The following CHRNA3 variants were observed in gnomAD, a reference collection of about 807,000 sequenced individuals.
CHRNA3 encodes neuronal acetylcholine receptor subunit alpha-3.
A neutral mutation model predicts 41.9 loss-of-function variants in CHRNA3; 34 were observed. The ratio of observed to expected loss-of-function variants is 0.81; its 90% CI spans 0.62 to 1.08. CHRNA3 has a LOEUF of 1.08. CHRNA3 is among the 50% of genes least tolerant of loss of function. The pLI, the probability that CHRNA3 is intolerant of heterozygous loss-of-function variation, is 0.00. For synonymous variants in CHRNA3, 281 were observed against 265.2 expected (o/e 1.06, Z -0.58); for missense variants, 542 against 638.3 (o/e 0.85, Z 1.63).
At position 78,596,692 on chromosome 15, in the gene CHRNA3, C is replaced by T. The variant is rs201426786; in HGVS notation, c.1430G>A (p.Arg477His). The change falls in exon 6 of 6, where the codon CGT becomes CAT. Residue 477 changes from arginine to histidine, a missense_variant. Coordinates refer to ENST00000326828, the MANE Select transcript of CHRNA3 (RefSeq NM_000743.5). Reference sequence around the variant, plus strand: ...CAGGGTGAAAACCCACAGAAAAATACGATCAATCACCATGGCAACATACTT... The same window carrying T: ...CAGGGTGAAAACCCACAGAAAAATATGATCAATCACCATGGCAACATACTT... ...DWKYVAMVIDRIFLWVFTLVC... is the reference protein window; with the variant it reads ...DWKYVAMVIDHIFLWVFTLVC... 3.0e-5 allele frequency: 49 copies of T among 1,612,450 alleles called. No homozygotes were observed. The highest frequency in any genetic ancestry group is 9.9e-5 in the South Asian group (9 of 90,704).
intron 5 of CHRNA3, among the ~76,000 whole-genome samples, chr15:78,600,753 A>C (rs2053184531): frequency 6.6e-6 from 1 of 151,806 alleles, no homozygotes; most frequent in South Asian, 2.1e-4. Context: ...TCTGTAGTTC[A>C]AGCTACTCGG....
chr15:78,593,094 T>G (rs913460296), downstream of CHRNA3: 1 of 1,604,198 alleles, frequency 6.2e-7, no homozygotes, highest in African/African-American at 1.3e-5. Context: ...CCTAACAGGT[T>G]GTTGAAGATT....
chr15:78,613,457 A>G (rs1013728422), intron 4 of CHRNA3, among the ~76,000 whole-genome samples: 19 of 151,846 alleles, frequency 1.3e-4, no homozygotes, highest in Admixed American at 6.6e-4. Flanking sequence ...ATTCTCAGCA[A>G]ACTATCGCAA....
rs115855642 is a variant in CHRNA3, at chr15:78,619,378, G to A, written c.83-463C>T. Reference sequence around the variant, plus strand: ...AATCTTTTCCTGGGTTGTTTCTGCCGGGTGGGGGTGTGGGGCAAATGCTGT... The same window carrying A: ...AATCTTTTCCTGGGTTGTTTCTGCCAGGTGGGGGTGTGGGGCAAATGCTGT... On this transcript the variant is annotated intron_variant, in intron 1 of 5. Transcript: ENST00000326828. The A allele has an allele frequency of 3.9e-3, 643 of 163,172 alleles. 11 individuals are homozygous for A. Among genetic ancestry groups the A allele is most frequent in the African/African-American group, 0.014 (591 of 41,772 alleles). The allele number at this position is 163,172 out of a possible 1,614,324, so 10.1% of individuals were successfully genotyped here.
intron 5 of CHRNA3, among the ~76,000 whole-genome samples, chr15:78,598,835 A>ATTTT (rs34934996): frequency 8.5e-6 from 1 of 118,304 alleles, no homozygotes; most frequent in Non-Finnish European, 1.8e-5. Flanking sequence ...TGCACCCGGC[A>ATTTT]TTTTTTTTTT....
intron 4 of CHRNA3, among the ~76,000 whole-genome samples, chr15:78,604,697 T>C (rs1033036450): frequency 2.1e-4 from 32 of 152,166 alleles, no homozygotes; most frequent in African/African-American, 7.7e-4. Flanking sequence ...AGTAAATATT[T>C]GTTGACCTAA....
At position 78,609,180 on chromosome 15, in the gene CHRNA3, C is replaced by T. The variant is rs1014293589; in HGVS notation, c.378-6916G>A. On this transcript the variant is annotated intron_variant, in intron 4 of 5. Coordinates refer to ENST00000326828, the MANE Select transcript of CHRNA3 (RefSeq NM_000743.5). ...CAGGATATTATCCAGGAGAACTTCC[C>T]CAATCTAGCAAGGCAGGCCAACATT... 2.9e-4 allele frequency among the ~76,000 whole-genome samples: 44 copies of T among 152,150 alleles called. 1 individual carries two copies. Among genetic ancestry groups the T allele is most frequent in the African/African-American group, 1.0e-3 (43 of 41,490 alleles).
At chr15:78,604,095 G>T (rs1424010110) in intron 4 of CHRNA3, among the ~76,000 whole-genome samples, 1 of 152,208 alleles carries the variant, frequency 6.6e-6, no homozygotes, top group Non-Finnish European at 1.5e-5. Flanking sequence ...AGAGCCCAGG[G>T]TCTGGTCCAG....
chr15:78,617,104 G>T lies in CHRNA3; in HGVS notation c.297C>A (p.Asn99Lys). ...ACTCTGCCCCACCATAGTCAGAGGGGTTCCATTTCAGCTTGTAGTCATTCC... is the reference window on the plus strand; with the variant it reads ...ACTCTGCCCCACCATAGTCAGAGGGTTTCCATTTCAGCTTGTAGTCATTCC... ...QIWNDYKLKWNPSDYGGAEFM... is the reference protein window; with the variant it reads ...QIWNDYKLKWKPSDYGGAEFM... The change falls in exon 4 of 6, where the codon AAC (asparagine) becomes AAA (lysine). Residue 99 changes from asparagine (N) to lysine (K), a missense_variant. Asn to Lys is a moderately conservative substitution (Grantham distance 94). Coordinates refer to ENST00000326828, the MANE Select transcript of CHRNA3 (RefSeq NM_000743.5). 6.2e-7 allele frequency: 1 copy of T among 1,613,504 alleles called. No individual in the cohort carries two copies. Among genetic ancestry groups the T allele is most frequent in the Non-Finnish European group, 8.5e-7 (1 of 1,179,556 alleles).
chr15:78,598,485 C>T (rs2053146761), intron 5 of CHRNA3, among the ~76,000 whole-genome samples: 1 of 151,696 alleles, frequency 6.6e-6, no homozygotes, highest in Non-Finnish European at 1.5e-5. Flanking sequence ...GCCTTGACCT[C>T]CCGGGCTCAA....
intron 5 of CHRNA3, among the ~76,000 whole-genome samples, chr15:78,598,895 G>A (rs2053153994): frequency 6.9e-6 from 1 of 145,082 alleles, no homozygotes. Context: ...GTCCAGTGGT[G>A]TGATCTTGGC....
Position 78,601,159 on chromosome 15 carries a change from T to G in CHRNA3, c.1389+94A>C. 4 of 1,323,838 alleles carry G rather than the reference T, an allele frequency of 3.0e-6. No individual in the cohort carries two copies. In the South Asian group the frequency reaches 4.1e-5, roughly 14 times the overall value. The allele number at this position is 1,323,838 out of a possible 1,614,324, so 82.0% of individuals were successfully genotyped here. A position where few individuals can be genotyped will look rare whatever the true frequency, so the allele number is the denominator to read the frequency against. ...AGGCCACTGACTCCAGAGGGCAATT[T>G]CTTAACCCCCTACCCTATGCCTTGC... On this transcript the variant is annotated intron_variant, in intron 5 of 5. Transcript: ENST00000326828.
chr15:78,600,074 T>C (rs2053174170), intron 5 of CHRNA3: 1 of 151,592 alleles, frequency 6.6e-6, no homozygotes, highest in Admixed American at 6.6e-5. Context: ...GTATAATGGT[T>C]TTTTAAAAAA....
At chr15:78,616,145 G>A (rs560996585) in intron 4 of CHRNA3, among the ~76,000 whole-genome samples, 1 of 151,712 alleles carries the variant, frequency 6.6e-6, no homozygotes, top group East Asian at 2.0e-4. Context: ...TTGAGGTCAG[G>A]AGTTCAAAAC....
chr15:78,612,280 C>A (rs2053391452), intron 4 of CHRNA3, among the ~76,000 whole-genome samples: 1 of 149,950 alleles, frequency 6.7e-6, no homozygotes. Context: ...GCCAAAAGAA[C>A]AAAGCTGGAG....
intron 4 of CHRNA3, among the ~76,000 whole-genome samples, chr15:78,605,416 A>G (rs1410120550): frequency 6.6e-6 from 1 of 152,164 alleles, no homozygotes; most frequent in African/African-American, 2.4e-5. Flanking sequence ...TGCGGGGTAG[A>G]GGCAGCCGGG....
rs376810814 is a variant in CHRNA3, at chr15:78,596,741, C to G, written c.1390-9G>C. On this transcript the variant is annotated splice_polypyrimidine_tract_variant and intron_variant, in intron 5 of 5. Transcript: ENST00000326828. ...TTCCAATCATCTTGAATCTGCAAAA[C>G]AAAATGATAAAAGAAAAAAAACATG... 2 of 1,589,076 alleles carry G rather than the reference C, an allele frequency of 1.3e-6. No homozygotes were observed. Among genetic ancestry groups the G allele is most frequent in the Non-Finnish European group, 1.7e-6 (2 of 1,173,276 alleles).
At chr15:78,612,836 T>C (rs1182122011) in intron 4 of CHRNA3, among the ~76,000 whole-genome samples, 2 of 149,084 alleles carry the variant, frequency 1.3e-5, no homozygotes, top group Non-Finnish European at 3.0e-5. Flanking sequence ...AAAGGGCTAA[T>C]ATTCAGAATC....
Position 78,596,644 on chromosome 15 carries a change from C to A in CHRNA3, c.1478G>T (p.Gly493Val). The A allele has an allele frequency of 6.2e-7, 1 of 1,611,526 alleles. No individual in the cohort carries two copies. Among genetic ancestry groups the A allele is most frequent in the Non-Finnish European group, 8.5e-7 (1 of 1,179,584 alleles). The stretch of plus-strand genomic sequence containing the variant: ...GGCCATCAGGGGTTGCAGAAACAAT[C>A]CTGCTGTCCCTAGAATGCACACCAG... ...FTLVCILGTA[G>V]LFLQPLMARE... is the part of the protein sequence containing the mutation. Residue 493 changes from glycine to valine, a missense_variant, in exon 6 of 6, where the codon GGA becomes GTA. Transcript: ENST00000326828.
Sources: allele counts gnomAD v4.1 joint callset (sites outside exome capture counted in the v4.1 genomes callset), GRCh38; gene constraint gnomAD v4.1.1; transcripts MANE v1.5; gene names NCBI Gene and HGNC (gene_info 2026-07-23, HGNC 2026-07-21).